Variants in PCSK4 observed in about 807,000 individuals in gnomAD.
PCSK4 encodes the protein proprotein convertase subtilisin/kexin type 4.
Under a neutral mutation model 80.3 loss-of-function variants are expected in PCSK4, and 64 were observed. The ratio of observed to expected loss-of-function variants is 0.80; its 90% confidence interval spans 0.65 to 0.98. PCSK4 has a LOEUF of 0.98. Ranked by LOEUF, PCSK4 falls within the 50% of genes least tolerant of loss-of-function variation. The pLI, the probability that PCSK4 is intolerant of heterozygous loss-of-function variation, is 0.00. For synonymous variants in PCSK4, 561 were observed against 487.6 expected (o/e 1.15, Z -1.98); for missense variants, 1,213 against 1,093.6 (o/e 1.11, Z -1.54).
At position 1,483,018 on chromosome 19, in the gene PCSK4, G is replaced by T. The variant is rs754132017; in HGVS notation, c.1574C>A (p.Pro525His). 3.9e-6 allele frequency: 6 copies of T among 1,543,816 alleles called. No homozygotes were observed. In the South Asian group the frequency reaches 6.1e-5, roughly 16 times the overall value. ...GTAGCCTTCAGTGCTGACGTCCAAG[G>T]GTCTGGGACAGAAGGGTGGGTGGGG... Residue 525 changes from proline to histidine, a missense_variant and splice_region_variant, in exon 13 of 15, where the codon CCC becomes CAC. Physicochemically the swap from Pro to His is moderately conservative, Grantham distance 77. Coordinates refer to ENST00000300954, the Ensembl canonical transcript of PCSK4.
At chr19:1,485,588 AGTGCTGG>A (rs1046188097) in intron 8 of PCSK4, among the ~76,000 whole-genome samples, 20 of 150,844 alleles carry the variant, frequency 1.3e-4, no homozygotes, top group African/African-American at 4.4e-4. Flanking sequence ...GAAAAAAGAA[AGTGCTGG>A]GCACTGTGGC....
chr19:1,486,791 A>G (rs1169666198), intron 8 of PCSK4, 62 bp downstream of exon 8: 2 of 1,370,036 alleles, frequency 1.5e-6, no homozygotes, highest in Non-Finnish European at 2.0e-6. Flanking sequence ...TGGGGACAGG[A>G]GGAGGCCAGG....
exon 3 of PCSK4, chr19:1,488,271 A>T: frequency 6.2e-7 from 1 of 1,612,532 alleles, no homozygotes; most frequent in Non-Finnish European, 8.5e-7. Context: ...TGCTGCTGGA[A>T]CCACTGCACC....
exon 15 of PCSK4, chr19:1,481,553 C>G: frequency 4.4e-6 from 2 of 449,712 alleles, no homozygotes; most frequent in Non-Finnish European, 7.8e-6. Flanking sequence ...TCCCCCCAGC[C>G]CACTCCCGCC....
exon 14 of PCSK4, chr19:1,482,388 G>A (rs998719029): frequency 1.3e-5 from 21 of 1,563,822 alleles, no homozygotes; most frequent in Non-Finnish European, 1.6e-5. Context: ...CTGCACACAC[G>A]CGCTGCTGGT....
chr19:1,481,817 A>T, exon 15 of PCSK4: 2 of 1,528,806 alleles, frequency 1.3e-6, no homozygotes, highest in Non-Finnish European at 1.8e-6. Flanking sequence ...GGCACGGGAG[A>T]GCCAGGCGTA....
Position 1,482,002 on chromosome 19 carries a change from C to T in PCSK4, c.2025G>A (p.Thr675=), listed in dbSNP as rs534123160. Residue 675 remains threonine, a synonymous_variant, in exon 15 of 15, where the codon ACG becomes ACA. Transcript: ENST00000300954. The stretch of plus-strand genomic sequence containing the variant: ...TGCAGGAGCCCTGCTGCTGGTCCAG[C>T]GTGGAGGATGGGGGACAGGAGGTGC... 7.3e-5 allele frequency: 116 copies of T among 1,586,818 alleles called. 3 individuals carry two copies. The South Asian group carries it at 1.2e-3, about 16-fold the overall frequency.
At chr19:1,482,874 C>T in intron 13 of PCSK4, 22 bp downstream of exon 13, 1 of 1,605,590 alleles carries the variant, frequency 6.2e-7, no homozygotes, top group South Asian at 1.1e-5. Context: ...CCCCGCCCAC[C>T]ACAGCCCCGC....
At chr19:1,482,261 A>G in intron 14 of PCSK4, 54 bp from the exon 15 acceptor site, 1 of 1,525,826 alleles carries the variant, frequency 6.6e-7, no homozygotes, top group Admixed American at 2.0e-5. Flanking sequence ...GCAGCCTGTT[A>G]CTCGCCACCC....
chr19:1,483,723 C>T (rs760589549), exon 11 of PCSK4: 1 of 1,595,598 alleles, frequency 6.3e-7, no homozygotes, highest in Non-Finnish European at 8.5e-7. Context: ...GCGGTGTCCA[C>T]CAGCAGCCCG....
Position 1,486,852 on chromosome 19 carries a change from C to T in PCSK4, c.1068+1G>A, listed in dbSNP as rs745932639. 12 of 1,594,622 alleles carry T rather than the reference C, an allele frequency of 7.5e-6. No homozygotes were observed. The highest frequency in any genetic ancestry group is 6.6e-5 in the South Asian group (6 of 90,694). On this transcript the variant is annotated splice_donor_variant, in intron 8 of 14. Transcript: ENST00000300954. LOFTEE classifies it high-confidence loss of function. ...GACCCTGTTGGGGCGGCTGCACTCA[C>T]GATCTGGGGGTCGGTGGCCACGCCG...
chr19:1,482,023 G>A (rs1209452399), exon 15 of PCSK4: 1 of 1,575,402 alleles, frequency 6.3e-7, no homozygotes, highest in African/African-American at 1.3e-5. Flanking sequence ...GGGGACAGGA[G>A]GTGCAGTCCC....
rs780605599 is a variant in PCSK4, at chr19:1,487,082, G to T, written c.856-17C>A. On this transcript the variant is annotated splice_polypyrimidine_tract_variant and intron_variant, in intron 7 of 14. Transcript: ENST00000300954. Reference sequence around the variant, plus strand: ...GCCGCGGCCCTGGGAAACCAGGAGGGGCGGGGAGGGGGCGTCGGCCTGGCC... The same window carrying T: ...GCCGCGGCCCTGGGAAACCAGGAGGTGCGGGGAGGGGGCGTCGGCCTGGCC... The T allele has an allele frequency of 2.5e-6, 4 of 1,602,992 alleles. No homozygotes were observed. The South Asian group carries it at 3.3e-5, about 13-fold the overall frequency.
At position 1,482,872 on chromosome 19, in the gene PCSK4, ACCACAGCCCCGCCCC is replaced by A. The variant is rs1455618681; in HGVS notation, c.1696+9_1696+23del. On this transcript the variant is annotated intron_variant, in intron 13 of 14. Coordinates refer to ENST00000300954, the Ensembl canonical transcript of PCSK4. ...GAGGTTGGAGAGCCAAGCCCCGCCC[ACCACAGCCCCGCCCC>A]GCCCTCACCCGTGTTGAAATAGTAG... The A allele has an allele frequency of 8.7e-7, 1 of 1,154,032 alleles. No homozygotes were observed. The highest frequency in any genetic ancestry group is 1.3e-6 in the Non-Finnish European group (1 of 788,454). 71.5% of individuals were successfully genotyped at this position (1,154,032 alleles called of 1,614,324 possible). A position where few individuals can be genotyped will look rare whatever the true frequency, so the allele number is the denominator to read the frequency against.
rs866279936 is a variant in PCSK4 at position 1,482,569 on chromosome 19, C to T, written c.1697-94G>A. The T allele has an allele frequency of 2.0e-5, 29 of 1,472,254 alleles. 1 individual carries two copies. The Middle Eastern group carries it at 1.9e-3, about 98-fold the overall frequency. 91.2% of individuals were successfully genotyped at this position (1,472,254 alleles called of 1,614,324 possible). The stretch of plus-strand genomic sequence containing the variant: ...CGGGCTCCCTCCCCTTCAGCTCCCA[C>T]GCGGGGCCCTGGACTGGTTCACATC... On this transcript the variant is annotated intron_variant, in intron 13 of 14. Transcript: ENST00000300954.
chr19:1,481,974 C>T (rs1221305429), exon 15 of PCSK4: 2 of 1,596,162 alleles, frequency 1.3e-6, no homozygotes, highest in Non-Finnish European at 1.7e-6. Flanking sequence ...GTGGTGGGTC[C>T]CATGCAGGAG....
At chr19:1,484,061 C>T in exon 9 of PCSK4, 1 of 1,562,510 alleles carries the variant, frequency 6.4e-7, no homozygotes, top group Non-Finnish European at 8.7e-7. Context: ...ATGCCGGCCG[C>T]CAGTGGGGCT....
At chr19:1,489,425 C>T (rs943365206) in intron 2 of PCSK4, among the ~76,000 whole-genome samples, 1 of 152,234 alleles carries the variant, frequency 6.6e-6, no homozygotes, top group East Asian at 1.9e-4. Context: ...TGAGCCACCG[C>T]GCCGGGCCAA....
exon 1 of PCSK4, chr19:1,490,252 G>A (rs371495144): frequency 3.1e-6 from 5 of 1,611,102 alleles, no homozygotes; most frequent in Non-Finnish European, 4.2e-6. Flanking sequence ...GACATAGATG[G>A]GGGCTCGGAC....
Sources: gnomAD v4.1 joint callset for allele counts (sites outside exome capture counted in the v4.1 genomes callset) on GRCh38, gnomAD v4.1.1 for gene constraint, MANE v1.5 for transcripts, NCBI Gene and HGNC (gene_info 2026-07-23, HGNC 2026-07-21) for gene names.